The following DCAF5 variants were observed in gnomAD, a reference collection of about 807,000 sequenced individuals.
DCAF5 encodes the protein DDB1 and CUL4 associated factor 5.
A neutral mutation model predicts 80.7 loss-of-function variants in DCAF5; 9 were observed. The observed-to-expected ratio is 0.11, with a 90% confidence interval of 0.07 to 0.19. DCAF5 has a LOEUF of 0.19. Among genes scored for constraint, DCAF5 ranks in the 10% least tolerant of loss-of-function variants. The pLI, the probability that DCAF5 is intolerant of heterozygous loss-of-function variation, is 1.00. For missense variants in DCAF5, 842 were observed against 1,205.7 expected (o/e 0.70, Z 4.47); for synonymous variants, 433 against 461.9 (o/e 0.94, Z 0.80).
chr14:69,122,632 G>A (rs2040756607), intron 1 of DCAF5, among the ~76,000 whole-genome samples: 1 of 152,152 alleles, frequency 6.6e-6, no homozygotes, highest in African/African-American at 2.4e-5. Flanking sequence ...AAGCCACCCT[G>A]TTCCTGTCTT....
rs143602483 is a variant in DCAF5 at position 69,102,591 on chromosome 14, GACAC to G, written c.666-10708_666-10705del. On this transcript the variant is annotated intron_variant, in intron 5 of 8. Transcript: ENST00000341516. ...AACTTTTTATTTTGTTAAAAACAAAGACACACACACACACACACACACACACACA... is the reference window on the plus strand; with the variant it reads ...AACTTTTTATTTTGTTAAAAACAAAGACACACACACACACACACACACACA... Among the ~76,000 whole-genome samples, 25 of 124,886 alleles carry G rather than the reference GACAC, an allele frequency of 2.0e-4. 1 individual carries two copies. Among genetic ancestry groups the G allele is most frequent in the East Asian group, 1.2e-3 (4 of 3,420 alleles). 81.9% of individuals were successfully genotyped at this position (124,886 alleles called of 152,430 possible). A position where few individuals can be genotyped will look rare whatever the true frequency, so the allele number is the denominator to read the frequency against.
intron 5 of DCAF5, among the ~76,000 whole-genome samples, chr14:69,102,396 C>T (rs1333236761): frequency 1.3e-5 from 2 of 151,950 alleles, no homozygotes; most frequent in Non-Finnish European, 2.9e-5. Flanking sequence ...CATGAGCCAC[C>T]GCGCCCGACC....
At chr14:69,130,582 T>TTGTA (rs752260026) in intron 1 of DCAF5, among the ~76,000 whole-genome samples, 18 of 152,338 alleles carry the variant, frequency 1.2e-4, no homozygotes, top group Admixed American at 2.0e-4. Context: ...AAATCTTATG[T>TTGTA]TGTATACATT....
At chr14:69,131,977 T>C (rs1432652190) in intron 1 of DCAF5, among the ~76,000 whole-genome samples, 1 of 152,172 alleles carries the variant, frequency 6.6e-6, no homozygotes, top group Non-Finnish European at 1.5e-5. Context: ...ATTTCATTTC[T>C]TTTTAAGGCT....
At chr14:69,105,210 C>T (rs1391418326) in intron 5 of DCAF5, among the ~76,000 whole-genome samples, 1 of 152,010 alleles carries the variant, frequency 6.6e-6, no homozygotes, top group Non-Finnish European at 1.5e-5. Flanking sequence ...TAGTATCATT[C>T]ACAATAGCCA....
At chr14:69,124,738 T>C (rs1356412102) in intron 1 of DCAF5, among the ~76,000 whole-genome samples, 1 of 152,240 alleles carries the variant, frequency 6.6e-6, no homozygotes, top group African/African-American at 2.4e-5. Context: ...AATGCACAAA[T>C]GGTTTTCCAC....
chr14:69,134,500 T>A lies in DCAF5; in HGVS notation c.215-12140A>T, dbSNP rs115679903. Reference sequence around the variant, plus strand: ...GAGAACAGGCACATTTACGACCTCCTTAAGAGAGGGACTCTAAATCAGAGG... The same window carrying A: ...GAGAACAGGCACATTTACGACCTCCATAAGAGAGGGACTCTAAATCAGAGG... On this transcript the variant is annotated intron_variant, in intron 1 of 8. Transcript: ENST00000341516. Among the ~76,000 whole-genome samples the A allele has an allele frequency of 5.7e-3, 873 of 152,330 alleles. 3 individuals carry two copies. Among genetic ancestry groups the A allele is most frequent in the African/African-American group, 0.018 (747 of 41,578 alleles).
chr14:69,116,201 T>C (rs1321453950), intron 5 of DCAF5, among the ~76,000 whole-genome samples, 165 bp downstream of exon 5: 1 of 152,200 alleles, frequency 6.6e-6, no homozygotes, highest in Non-Finnish European at 1.5e-5. Flanking sequence ...TCGCTGTCTA[T>C]TCCTTGGAAA....
chr14:69,110,270 CTTTTTTT>C, intron 5 of DCAF5, among the ~76,000 whole-genome samples: 1 of 106,838 alleles, frequency 9.4e-6, no homozygotes, highest in East Asian at 2.2e-4. Context: ...TTTTCACTTA[CTTTTTTT>C]TTTTTTTTTT....
chr14:69,114,868 A>G (rs1380819014), intron 5 of DCAF5, among the ~76,000 whole-genome samples: 1 of 152,152 alleles, frequency 6.6e-6, no homozygotes, highest in Non-Finnish European at 1.5e-5. Flanking sequence ...ATGGGAGAGA[A>G]TTGGGAGAAT....
At position 69,053,643 on chromosome 14, in the gene DCAF5, T is replaced by C. The variant is rs1437356584; in HGVS notation, c.*214A>G. 5.8e-6 allele frequency: 3 copies of C among 514,834 alleles called. No homozygotes were observed. The highest frequency in any genetic ancestry group is 1.0e-5 in the Non-Finnish European group (3 of 297,874). 31.9% of individuals were successfully genotyped at this position (514,834 alleles called of 1,614,324 possible). A position where few individuals can be genotyped will look rare whatever the true frequency, so the allele number is the denominator to read the frequency against. On this transcript the variant is annotated 3_prime_UTR_variant, in exon 9 of 9. Transcript: ENST00000341516. The stretch of plus-strand genomic sequence containing the variant: ...AGGAGTCACTTGGGTTATTTTTTTT[T>C]CCCCTTTCTTAACACAGCACAAGCC...
chr14:69,127,857 GTAA>G (rs905010020), intron 1 of DCAF5, among the ~76,000 whole-genome samples: 1 of 152,028 alleles, frequency 6.6e-6, no homozygotes, highest in Admixed American at 6.6e-5. Flanking sequence ...CCTTCTACCA[GTAA>G]TAATAATAAT....
rs778105857 is a variant in DCAF5 at position 69,055,180 on chromosome 14, C to A, written c.1506G>T (p.Thr502=). The change falls in exon 9 of 9, where the codon ACG becomes ACT. Residue 502 remains threonine, a synonymous_variant. Transcript: ENST00000341516. This position sits in a 1 kb window ranked among gnomAD's most constrained non-coding sequence, Gnocchi z 5.6. The part of the protein sequence containing the change: ...NTVASTPPTP[T]CEDAASRQQR... ...GCTGGCGAGAGGCTGCATCCTCACA[C>A]GTGGGTGTTGGTGGAGTTGAGGCTA... The A allele has an allele frequency of 3.1e-6, 5 of 1,614,178 alleles. No homozygotes were observed. The highest frequency in any genetic ancestry group is 1.1e-5 in the South Asian group (1 of 91,084).
intron 1 of DCAF5, among the ~76,000 whole-genome samples, chr14:69,135,999 T>C (rs1470917595): frequency 6.6e-6 from 1 of 152,198 alleles, no homozygotes; most frequent in Non-Finnish European, 1.5e-5. Flanking sequence ...ATATTCTACA[T>C]TGCAACTAAT....
At chr14:69,117,784 G>A (rs1364697763) in intron 4 of DCAF5, among the ~76,000 whole-genome samples, 2 of 152,096 alleles carry the variant, frequency 1.3e-5, no homozygotes, top group Non-Finnish European at 2.9e-5. Context: ...AAAATAACAA[G>A]CCTGAAACTA....
chr14:69,088,934 T>A (rs144148659), intron 6 of DCAF5, among the ~76,000 whole-genome samples: 1 of 152,346 alleles, frequency 6.6e-6, no homozygotes, highest in African/African-American at 2.4e-5. Flanking sequence ...TCAGAGCCTA[T>A]AAATCACCTT....
At chr14:69,071,210 T>C (rs1422904056) in intron 7 of DCAF5, among the ~76,000 whole-genome samples, 1 of 152,192 alleles carries the variant, frequency 6.6e-6, no homozygotes, top group Non-Finnish European at 1.5e-5. Context: ...TCTTACATCT[T>C]GAAATGATCT....
At chr14:69,129,162 G>GTGTC (rs978061862) in intron 1 of DCAF5, among the ~76,000 whole-genome samples, 2 of 152,156 alleles carry the variant, frequency 1.3e-5, no homozygotes, top group Admixed American at 1.3e-4. Context: ...TTTAAATGAT[G>GTGTC]TGTCCTTAGT....
At chr14:69,123,395 C>A (rs1460151274) in intron 1 of DCAF5, among the ~76,000 whole-genome samples, 3 of 152,028 alleles carry the variant, frequency 2.0e-5, no homozygotes, top group African/African-American at 7.3e-5. Context: ...TGACAGTATG[C>A]TTATACTCGC....
Sources: allele counts gnomAD v4.1 joint callset (sites outside exome capture counted in the v4.1 genomes callset), GRCh38; gene constraint gnomAD v4.1.1; non-coding constraint Gnocchi (gnomAD v3.1); transcripts MANE v1.5; gene names NCBI Gene and HGNC (gene_info 2026-07-23, HGNC 2026-07-21).